PARD3B: variants seen among roughly 807,000 people sequenced by gnomAD.
PARD3B encodes par-3 family cell polarity regulator beta.
A neutral mutation model predicts 130.2 loss-of-function variants in PARD3B; 103 were observed. The ratio of observed to expected loss-of-function variants is 0.79; its 90% CI spans 0.67 to 0.93. PARD3B has a LOEUF of 0.93. Among genes scored for constraint, PARD3B ranks in the 40% least tolerant of loss-of-function variants. PARD3B has a pLI of 0.00. For missense variants in PARD3B, 1,609 were observed against 1,499.2 expected, an observed-to-expected ratio of 1.07 and a Z score of -1.21; for synonymous variants, 583 against 553.2, an observed-to-expected ratio of 1.05 and a Z score of -0.76.
chr2:204,579,045 C>T (rs1302769342), intron 1 of PARD3B, among the ~76,000 whole-genome samples: 7 of 151,740 alleles, frequency 4.6e-5, no homozygotes, highest in Admixed American at 4.6e-4. Flanking sequence ...CTTGAGTTGT[C>T]CCGGTTGAGA....
rs374803600 is a variant in PARD3B at position 204,799,777 on chromosome 2, T to G, written c.222+113495T>G. On this transcript the variant is annotated intron_variant, in intron 2 of 22. Transcript: ENST00000406610. The surrounding 1 kb of genome is among the most constrained non-coding windows in gnomAD (Gnocchi z 4.1). Reference sequence around the variant, plus strand: ...TATCCAAGACCACCAAGATGGTACCTGTACAAGTCTGCAAAAGCCATAGTA... The same window carrying G: ...TATCCAAGACCACCAAGATGGTACCGGTACAAGTCTGCAAAAGCCATAGTA... Among the ~76,000 whole-genome samples the G allele has an allele frequency of 2.6e-5, 4 of 152,230 alleles. 1 individual carries two copies. Among genetic ancestry groups the G allele is most frequent in the African/African-American group, 9.6e-5 (4 of 41,552 alleles).
At chr2:204,911,113 G>T (rs2047220325) in intron 2 of PARD3B, among the ~76,000 whole-genome samples, 1 of 151,986 alleles carries the variant, frequency 6.6e-6, no homozygotes, top group Non-Finnish European at 1.5e-5. Flanking sequence ...ATGTGTCTGT[G>T]AACTTTTCTA....
intron 2 of PARD3B, among the ~76,000 whole-genome samples, chr2:204,728,187 C>T (rs1017980021): frequency 3.3e-5 from 5 of 152,142 alleles, no homozygotes; most frequent in African/African-American, 9.7e-5. Context: ...GTTCGGAAGA[C>T]GGGCAGTTAG....
chr2:205,107,920 A>G (rs1350592360), intron 5 of PARD3B, among the ~76,000 whole-genome samples: 1 of 152,088 alleles, frequency 6.6e-6, no homozygotes, highest in Non-Finnish European at 1.5e-5. Flanking sequence ...AAAGACCTTC[A>G]CCTCATCCCT....
At chr2:204,935,852 A>G (rs868398185) in intron 2 of PARD3B, among the ~76,000 whole-genome samples, 2 of 152,174 alleles carry the variant, frequency 1.3e-5, no homozygotes, top group African/African-American at 2.4e-5. Context: ...TGATAATTAC[A>G]GGATTATAGA....
At chr2:205,014,864 T>C (rs1696002881) in intron 3 of PARD3B, among the ~76,000 whole-genome samples, 3 of 152,202 alleles carry the variant, frequency 2.0e-5, no homozygotes, top group Admixed American at 2.0e-4. Flanking sequence ...CTGAGGACAT[T>C]TAAGGCAGAA....
At chr2:205,199,438 A>G (rs1340213696) in intron 15 of PARD3B, among the ~76,000 whole-genome samples, 1 of 152,074 alleles carries the variant, frequency 6.6e-6, no homozygotes, top group African/African-American at 2.4e-5. Flanking sequence ...ATATATACAT[A>G]TATGTACATT....
intron 19 of PARD3B, among the ~76,000 whole-genome samples, chr2:205,423,676 A>G (rs2047049349): frequency 6.6e-6 from 1 of 152,318 alleles, no homozygotes; most frequent in East Asian, 1.9e-4. Flanking sequence ...TATTCACAAC[A>G]TGGAATCAAC....
intron 20 of PARD3B, among the ~76,000 whole-genome samples, chr2:205,471,038 G>C (rs189120764): frequency 6.6e-6 from 1 of 152,280 alleles, no homozygotes; most frequent in African/African-American, 2.4e-5. Flanking sequence ...TTGTGACCTC[G>C]TTCATACCCT....
intron 3 of PARD3B, among the ~76,000 whole-genome samples, chr2:205,045,309 C>T (rs560405334): frequency 6.6e-6 from 1 of 151,082 alleles, no homozygotes; most frequent in African/African-American, 2.4e-5. Context: ...AGTGCAGTGG[C>T]GCTATCTGGG....
chr2:205,362,301 A>G (rs577512179), intron 18 of PARD3B, among the ~76,000 whole-genome samples: 2 of 152,296 alleles, frequency 1.3e-5, no homozygotes, highest in Non-Finnish European at 2.9e-5. Flanking sequence ...TCATGTTTCC[A>G]TTGTACTTAC....
At chr2:204,801,175 T>A (rs900728177) in intron 2 of PARD3B, among the ~76,000 whole-genome samples, 4 of 152,204 alleles carry the variant, frequency 2.6e-5, no homozygotes, top group Admixed American at 6.5e-5. Flanking sequence ...CTCTTTTTGC[T>A]TAGGATTGTC....
chr2:205,051,295 G>A (rs1257412992), intron 4 of PARD3B, among the ~76,000 whole-genome samples: 2 of 152,144 alleles, frequency 1.3e-5, no homozygotes, highest in African/African-American at 2.4e-5. Context: ...ATGTAGCCAT[G>A]TGTCAACTAA....
rs1229909559 is a variant in PARD3B at position 205,366,941 on chromosome 2, G to A, written c.2631-34072G>A. 6.6e-6 allele frequency among the ~76,000 whole-genome samples: 1 copy of A among 152,134 alleles called. No individual in the cohort carries two copies. The highest frequency in any genetic ancestry group is 1.5e-5 in the Non-Finnish European group (1 of 68,032). ...AGCTGAATCATCACACTTAGGTCTG[G>A]GAAGCTGTAAAAACAAAACCTGTGC... On this transcript the variant is annotated intron_variant, in intron 18 of 22. Coordinates refer to ENST00000406610, the MANE Select transcript of PARD3B (RefSeq NM_001302769.2). The surrounding 1 kb of genome is among the most constrained non-coding windows in gnomAD (Gnocchi z 5.0).
At chr2:205,606,871 C>T (rs767532354) in intron 22 of PARD3B, among the ~76,000 whole-genome samples, 17 of 152,278 alleles carry the variant, frequency 1.1e-4, no homozygotes, top group Non-Finnish European at 1.5e-4. Context: ...TTCCTTAAAG[C>T]TGGGTGCCAG....
intron 2 of PARD3B, among the ~76,000 whole-genome samples, chr2:204,940,524 G>A (rs558702631): frequency 6.6e-6 from 1 of 151,736 alleles, no homozygotes; most frequent in South Asian, 2.1e-4. Context: ...TGTGTCTGGG[G>A]TTGATTTCAC....
At chr2:204,794,406 G>C (rs1033942505) in intron 2 of PARD3B, among the ~76,000 whole-genome samples, 2 of 152,198 alleles carry the variant, frequency 1.3e-5, no homozygotes, top group Non-Finnish European at 2.9e-5. Context: ...TGTTTTGACT[G>C]TGTCTGCATG....
chr2:204,678,587 G>T lies in PARD3B; in HGVS notation c.121-7594G>T, dbSNP rs921663636. ...GGCTGACTCCAGCCGGGTCGTCTCC[G>T]AAGTCGTGTGGTCTGACATTAAGCC... On this transcript the variant is annotated intron_variant, in intron 1 of 22. Transcript: ENST00000406610. This position sits in a 1 kb window ranked among gnomAD's most constrained non-coding sequence, Gnocchi z 4.2. Among the ~76,000 whole-genome samples the T allele has an allele frequency of 6.6e-6, 1 of 152,078 alleles. No homozygotes were observed. The highest frequency in any genetic ancestry group is 2.4e-5 in the African/African-American group (1 of 41,388).
At chr2:205,358,010 A>G (rs536020576) in intron 18 of PARD3B, among the ~76,000 whole-genome samples, 1 of 152,106 alleles carries the variant, frequency 6.6e-6, no homozygotes, top group African/African-American at 2.4e-5. Flanking sequence ...GACATTCCTC[A>G]CCTCATATGG....
Sources: allele counts gnomAD v4.1 joint callset (sites outside exome capture counted in the v4.1 genomes callset), GRCh38; gene constraint gnomAD v4.1.1; non-coding constraint Gnocchi (gnomAD v3.1); transcripts MANE v1.5; gene names NCBI Gene and HGNC (gene_info 2026-07-23, HGNC 2026-07-21).